The following LCLAT1 variants were observed in gnomAD, a reference collection of about 807,000 sequenced individuals.
The protein encoded by LCLAT1 is lysocardiolipin acyltransferase 1, also known as 1-AGP acyltransferase 8.
A neutral mutation model predicts 30.7 loss-of-function variants in LCLAT1; 11 were observed. The observed-to-expected ratio is 0.36, with a 90% CI of 0.23 to 0.59. The LOEUF (loss-of-function observed/expected upper bound fraction) is 0.59, where lower values mean the gene tolerates loss of function less well. Ranked by LOEUF, LCLAT1 falls within the 20% of genes least tolerant of loss-of-function variation. The pLI, the probability that LCLAT1 is intolerant of heterozygous loss-of-function variation, is 0.77. For synonymous variants in LCLAT1, 155 were observed against 151.3 expected (o/e 1.02, Z -0.18); for missense variants, 402 against 458.6 (o/e 0.88, Z 1.13).
rs1667608443 is a variant in LCLAT1 at position 30,609,068 on chromosome 2, C to CACA, written c.629-31049_629-31048insACA. ...AGGATTTTCACATGCCTGATATTTT[C>CACA]TGGGTTTCCTCATCTATTCATTGCC... On this transcript the variant is annotated intron_variant, in intron 5 of 5. Coordinates refer to ENST00000379509, the MANE Select transcript of LCLAT1 (RefSeq NM_001002257.3). Among the ~76,000 whole-genome samples, 6 of 151,316 alleles carry CACA rather than the reference C, an allele frequency of 4.0e-5. No individual in the cohort carries two copies. In the South Asian group the frequency reaches 1.3e-3, roughly 32 times the overall value.
At position 30,626,938 on chromosome 2, in the gene LCLAT1, T is replaced by C. The variant is rs186169369; in HGVS notation, c.629-13179T>C. On this transcript the variant is annotated intron_variant, in intron 5 of 5. Coordinates refer to ENST00000379509, the MANE Select transcript of LCLAT1 (RefSeq NM_001002257.3). ...ATTATTTATTTTTATGGAATCTTGATGTGAGAATGTGCATCATAAAGTCTC... is the reference window on the plus strand; with the variant it reads ...ATTATTTATTTTTATGGAATCTTGACGTGAGAATGTGCATCATAAAGTCTC... 1.2e-4 allele frequency among the ~76,000 whole-genome samples: 19 copies of C among 152,312 alleles called. No individual in the cohort carries two copies. The East Asian group carries it at 3.5e-3, about 28-fold the overall frequency.
chr2:30,516,072 C>G lies in LCLAT1; in HGVS notation c.-4-9515C>G, dbSNP rs61419591. On this transcript the variant is annotated intron_variant, in intron 1 of 5. Transcript: ENST00000379509. ...GTAACTCAGCTCACACCTGACCAATCAGGTAACAGAGAGCTCACTAAAATA... is the reference window on the plus strand; with the variant it reads ...GTAACTCAGCTCACACCTGACCAATGAGGTAACAGAGAGCTCACTAAAATA... 2.7e-3 allele frequency among the ~76,000 whole-genome samples: 416 copies of G among 152,238 alleles called. 3 individuals carry two copies. Among genetic ancestry groups the G allele is most frequent in the African/African-American group, 9.5e-3 (394 of 41,536 alleles).
At chr2:30,543,863 C>T (rs1426406488) in intron 3 of LCLAT1, among the ~76,000 whole-genome samples, 1 of 152,018 alleles carries the variant, frequency 6.6e-6, no homozygotes, top group Non-Finnish European at 1.5e-5. Context: ...TTTCCCTCCC[C>T]TCATCAATCT....
chr2:30,457,673 T>C (rs1277883367), intron 1 of LCLAT1, among the ~76,000 whole-genome samples: 2 of 152,212 alleles, frequency 1.3e-5, no homozygotes, highest in Admixed American at 6.5e-5. Flanking sequence ...ATTTGTTCCC[T>C]AATTAGAGTT....
In LCLAT1 at chr2:30,641,969, A is replaced by G. The variant is rs1201821199; in HGVS notation, c.*1350A>G. ...GAGCTGCAGAAAATATGAGGCAATT[A>G]AAAGTCTTTAGCTGTTAGCAAACCT... On this transcript the variant is annotated 3_prime_UTR_variant, in exon 6 of 6. Transcript: ENST00000379509. 6.7e-6 allele frequency: 1 copy of G among 150,270 alleles called. No individual in the cohort carries two copies. The highest frequency in any genetic ancestry group is 1.5e-5 in the Non-Finnish European group (1 of 67,876). The allele number at this position is 150,270 out of a possible 1,614,324, so 9.3% of individuals were successfully genotyped here.
intron 1 of LCLAT1, among the ~76,000 whole-genome samples, chr2:30,515,078 T>C (rs763662016): frequency 6.6e-6 from 1 of 152,144 alleles, no homozygotes; most frequent in African/African-American, 2.4e-5. Context: ...CTCAGTAATA[T>C]GAGTTTAAAA....
chr2:30,616,334 A>G (rs534854027), intron 5 of LCLAT1, among the ~76,000 whole-genome samples: 2 of 152,300 alleles, frequency 1.3e-5, no homozygotes, highest in Admixed American at 6.5e-5. Flanking sequence ...AACAGATTAG[A>G]TGCCATACTG....
intron 1 of LCLAT1, among the ~76,000 whole-genome samples, chr2:30,511,763 C>G (rs1466964323): frequency 6.6e-6 from 1 of 152,208 alleles, no homozygotes; most frequent in African/African-American, 2.4e-5. Flanking sequence ...TTTACCTTCT[C>G]TAGAGAATAG....
At chr2:30,608,529 G>T (rs192545959) in intron 5 of LCLAT1, among the ~76,000 whole-genome samples, 42 of 152,054 alleles carry the variant, frequency 2.8e-4, no homozygotes, top group African/African-American at 9.9e-4. Context: ...CATGGTAAGT[G>T]CCCTGTAGAG....
chr2:30,519,072 A>G (rs1425571690), intron 1 of LCLAT1, among the ~76,000 whole-genome samples: 1 of 152,228 alleles, frequency 6.6e-6, no homozygotes, highest in African/African-American at 2.4e-5. Context: ...CAGGTTAAAT[A>G]CTTAGGGCTA....
chr2:30,611,055 G>A (rs1667712556), intron 5 of LCLAT1, among the ~76,000 whole-genome samples: 1 of 144,078 alleles, frequency 6.9e-6, no homozygotes. Flanking sequence ...GTTAAATTCT[G>A]GCTTCACCAC....
At chr2:30,504,325 A>C (rs957478935) in intron 1 of LCLAT1, among the ~76,000 whole-genome samples, 56 of 151,934 alleles carry the variant, frequency 3.7e-4, no homozygotes, top group Non-Finnish European at 2.4e-4. Flanking sequence ...TATATTAATA[A>C]TTTTTCTGGC....
intron 1 of LCLAT1, among the ~76,000 whole-genome samples, chr2:30,505,020 C>G (rs927228427): frequency 6.6e-6 from 1 of 152,140 alleles, no homozygotes; most frequent in Non-Finnish European, 1.5e-5. Flanking sequence ...TACAGCTTGA[C>G]TGCATTCTTT....
At chr2:30,511,266 C>T (rs1397060553) in intron 1 of LCLAT1, among the ~76,000 whole-genome samples, 2 of 152,084 alleles carry the variant, frequency 1.3e-5, no homozygotes, top group African/African-American at 2.4e-5. Context: ...CTGACCGCCT[C>T]GGCCTCCCAA....
intron 1 of LCLAT1, among the ~76,000 whole-genome samples, chr2:30,463,641 A>G (rs2148277763): frequency 6.6e-6 from 1 of 152,324 alleles, no homozygotes; most frequent in Non-Finnish European, 1.5e-5. Flanking sequence ...TAGCATTTAC[A>G]TTGTATTAGA....
Position 30,562,268 on chromosome 2 carries a change from T to C in LCLAT1, c.487T>C (p.Phe163Leu). The part of the protein sequence containing the change: ...DIHEPLQLLI[F>L]PEGTDLTENS... ...TCACGAACCACTTCAACTCCTCATA[T>C]TCCCAGAAGGGACTGATCTCACAGG... Residue 163 changes from phenylalanine to leucine, a missense_variant, in exon 4 of 6, where the codon TTC (phenylalanine) becomes CTC (leucine). By Grantham distance (22) the Phe-to-Leu change is conservative. Coordinates refer to ENST00000379509, the MANE Select transcript of LCLAT1 (RefSeq NM_001002257.3). 6.2e-7 allele frequency: 1 copy of C among 1,611,812 alleles called. No individual in the cohort carries two copies. Among genetic ancestry groups the C allele is most frequent in the Non-Finnish European group, 8.5e-7 (1 of 1,178,456 alleles).
intron 5 of LCLAT1, among the ~76,000 whole-genome samples, chr2:30,619,293 A>T (rs1668137184): frequency 6.6e-6 from 1 of 152,182 alleles, no homozygotes; most frequent in African/African-American, 2.4e-5. Flanking sequence ...TGTTGAAAAG[A>T]TGGTAATATG....
At chr2:30,519,493 AG>A (rs1404916959) in intron 1 of LCLAT1, among the ~76,000 whole-genome samples, 5 of 152,110 alleles carry the variant, frequency 3.3e-5, no homozygotes, top group South Asian at 2.1e-4. Context: ...TCCTGTTGAG[AG>A]GGGGGACTGA....
chr2:30,548,659 T>A (rs1009383603), intron 3 of LCLAT1, among the ~76,000 whole-genome samples: 2 of 152,082 alleles, frequency 1.3e-5, no homozygotes, highest in East Asian at 3.8e-4. Context: ...TAGCTGATTA[T>A]CTCCTAGATC....
Sources: gnomAD v4.1 joint callset for allele counts (sites outside exome capture counted in the v4.1 genomes callset) on GRCh38, gnomAD v4.1.1 for gene constraint, MANE v1.5 for transcripts, NCBI Gene and HGNC (gene_info 2026-07-23, HGNC 2026-07-21) for gene names.